GALK1: variants seen among roughly 807,000 people sequenced by gnomAD.
The protein encoded by GALK1 is galactokinase.
Under a neutral mutation model 38.6 loss-of-function variants are expected in GALK1, and 30 were observed. That is an observed-to-expected ratio of 0.78 (90% CI 0.58 to 1.05). The LOEUF (loss-of-function observed/expected upper bound fraction) is 1.05, where lower values mean the gene tolerates loss of function less well. GALK1 is among the 50% of genes least tolerant of loss of function. The pLI is 0.00. For missense variants in GALK1, 512 were observed against 540.5 expected (o/e 0.95, Z 0.52); for synonymous variants, 240 against 233.6 (o/e 1.03, Z -0.25).
chr17:75,762,622 T>A, intron 5 of GALK1, 82 bp downstream of exon 5: 3 of 1,460,828 alleles, frequency 2.1e-6, no homozygotes, highest in Middle Eastern at 1.9e-4. Flanking sequence ...GAGATCGGGG[T>A]CCCAGGCAGG....
chr17:75,758,074 G>A lies in GALK1; in HGVS notation c.1161C>T (p.Ala387=). Residue 387 remains alanine (A), a synonymous_variant, in exon 8 of 8, where the codon GCC becomes GCT. Transcript: ENST00000588479. ...GGGTGCCTCACAAGCACAGCACCTT[G>A]GCTCCATCGGCTGCTTGAGAGAGGT... ...TFYLSQAADG[A]KVLCL is the part of the protein sequence containing the mutation. 1 of 1,612,814 alleles carries A rather than the reference G, an allele frequency of 6.2e-7. No homozygotes were observed. The highest frequency in any genetic ancestry group is 8.5e-7 in the Non-Finnish European group (1 of 1,179,972).
At chr17:75,762,560 C>A in intron 5 of GALK1, 144 bp downstream of exon 5, 2 of 826,182 alleles carry the variant, frequency 2.4e-6, no homozygotes, top group Non-Finnish European at 4.0e-6. Context: ...AGATTGGAAC[C>A]CTGGGTGCGC....
intron 1 of GALK1, 102 bp downstream of exon 1, chr17:75,764,870 T>G: frequency 7.5e-7 from 1 of 1,324,666 alleles, no homozygotes. Context: ...CCGCCCCACA[T>G]CTCCCGCGGG....
intron 2 of GALK1, 134 bp from the exon 3 acceptor site, chr17:75,763,573 C>T: frequency 9.7e-7 from 1 of 1,035,654 alleles, no homozygotes; most frequent in Non-Finnish European, 1.4e-6. Context: ...TTGTCAGAAG[C>T]CACCAACCTG....
downstream of GALK1, chr17:75,757,006 T>G (rs1212141207): frequency 6.2e-7 from 1 of 1,611,666 alleles, no homozygotes; most frequent in East Asian, 2.2e-5. Context: ...GTGCCGGGCC[T>G]CAGCGAGAAC....
downstream of GALK1, chr17:75,754,466 G>A: frequency 1.4e-6 from 2 of 1,437,206 alleles, no homozygotes; most frequent in Non-Finnish European, 1.9e-6. Flanking sequence ...TTGTATTTAA[G>A]CAAAAGCCAC....
chr17:75,752,876 AC>A (rs2061400474), intron 8 of GALK1, among the ~76,000 whole-genome samples: 1 of 151,910 alleles, frequency 6.6e-6, no homozygotes, highest in African/African-American at 2.4e-5. Flanking sequence ...CACTCAGGCC[AC>A]CCCCCAGGGG....
downstream of GALK1, chr17:75,755,936 A>C (rs775392543): frequency 2.0e-6 from 3 of 1,498,256 alleles, no homozygotes; most frequent in Non-Finnish European, 2.7e-6. Flanking sequence ...CAGCTGTGTC[A>C]GGAACCCACC....
chr17:75,762,801 G>T lies in GALK1; in HGVS notation c.696C>A (p.Ala232=). 6.2e-7 allele frequency: 1 copy of T among 1,613,940 alleles called. No homozygotes were observed. The highest frequency in any genetic ancestry group is 8.5e-7 in the Non-Finnish European group (1 of 1,180,002). The change falls in exon 5 of 8, where the codon GCC becomes GCA. Residue 232 remains alanine (A), a synonymous_variant. Coordinates refer to ENST00000588479, the MANE Select transcript of GALK1 (RefSeq NM_000154.2). ...ITNSNVRHSL[A]SSEYPVRRRQ... ...GCCGCCGCACAGGGTACTCGCTGGAGGCCAGGGAGTGGCGGACATTAGAGT... is the reference window on the plus strand; with the variant it reads ...GCCGCCGCACAGGGTACTCGCTGGATGCCAGGGAGTGGCGGACATTAGAGT...
At chr17:75,764,930 A>G in intron 1 of GALK1, 42 bp downstream of exon 1, 1 of 1,586,350 alleles carries the variant, frequency 6.3e-7, no homozygotes, top group Non-Finnish European at 8.6e-7. Flanking sequence ...GGCGGCCGGG[A>G]CAGGCGGCGG....
At chr17:75,757,223 C>T (rs776315184), downstream of GALK1, 24 of 1,612,024 alleles carry the variant, frequency 1.5e-5, no homozygotes, top group East Asian at 2.0e-4. Flanking sequence ...GCTGGGCAGC[C>T]GTGCCGGGCT....
downstream of GALK1, chr17:75,755,843 G>T: frequency 6.2e-7 from 1 of 1,603,886 alleles, no homozygotes. Context: ...ACCAGCTGCT[G>T]AACGGCGGTG....
At chr17:75,757,363 G>C, downstream of GALK1, 3 of 1,612,904 alleles carry the variant, frequency 1.9e-6, no homozygotes, top group Non-Finnish European at 2.5e-6. Context: ...GGAGCTAGCA[G>C]AGGGAGAAGG....
downstream of GALK1, chr17:75,754,545 C>T: frequency 6.2e-7 from 1 of 1,612,882 alleles, no homozygotes; most frequent in Non-Finnish European, 8.5e-7. Flanking sequence ...TGGGGCAGGC[C>T]TGACCAAGGG....
chr17:75,761,619 C>CAAAA (rs1308592639), intron 5 of GALK1, among the ~76,000 whole-genome samples: 1 of 48,692 alleles, frequency 2.1e-5, no homozygotes, highest in Non-Finnish European at 4.2e-5. Flanking sequence ...TCCACCTCAC[C>CAAAA]AAAAAAAAAA....
downstream of GALK1, chr17:75,754,650 A>C (rs773936311): frequency 2.7e-5 from 43 of 1,613,878 alleles, no homozygotes; most frequent in East Asian, 9.1e-4. Flanking sequence ...GACCACGACC[A>C]GTGCTGCTGC....
At chr17:75,758,747 C>G in intron 5 of GALK1, 148 bp from the exon 6 acceptor site, 1 of 968,316 alleles carries the variant, frequency 1.0e-6, no homozygotes, top group Middle Eastern at 3.2e-4. Context: ...CTCTCTCAGA[C>G]GTGGGTCTGA....
intron 5 of GALK1, among the ~76,000 whole-genome samples, chr17:75,760,761 G>T (rs573406410): frequency 1.7e-3 from 257 of 152,102 alleles, no homozygotes; most frequent in African/African-American, 5.7e-3. Context: ...GGGCTACAGA[G>T]CAAGACTCAG....
chr17:75,753,270 C>A (rs1306152317), downstream of GALK1, among the ~76,000 whole-genome samples: 1 of 152,156 alleles, frequency 6.6e-6, no homozygotes, highest in African/African-American at 2.4e-5. Flanking sequence ...GCTTAAGGAG[C>A]CATTTTGAGG....
Sources: allele counts gnomAD v4.1 joint callset (sites outside exome capture counted in the v4.1 genomes callset), GRCh38; gene constraint gnomAD v4.1.1; transcripts MANE v1.5; gene names NCBI Gene and HGNC (gene_info 2026-07-23, HGNC 2026-07-21).